The following CEP126 variants were observed in gnomAD, a reference collection of about 807,000 sequenced individuals.
CEP126 encodes the protein centrosomal protein 126.
Under a neutral mutation model 107.8 loss-of-function variants are expected in CEP126, and 74 were observed. That is an observed-to-expected ratio of 0.69 (90% CI 0.57 to 0.83). The LOEUF (loss-of-function observed/expected upper bound fraction) is 0.83. Ranked by LOEUF, CEP126 falls within the 40% of genes least tolerant of loss-of-function variation. The pLI is 0.00. For synonymous variants in CEP126, 449 were observed against 446.0 expected, an observed-to-expected ratio of 1.01 and a Z score of -0.08; for missense variants, 1,237 against 1,281.9, an observed-to-expected ratio of 0.96 and a Z score of 0.53.
chr11:101,922,879 G>C, intron 2 of CEP126, 119 bp downstream of exon 2: 1 of 774,850 alleles, frequency 1.3e-6, no homozygotes, highest in Non-Finnish European at 2.0e-6. Flanking sequence ...GTGAAACATT[G>C]ATCAAGATTT....
chr11:101,922,558 G>T, intron 1 of CEP126, 83 bp from the exon 2 acceptor site: 1 of 1,017,752 alleles, frequency 9.8e-7, no homozygotes, highest in Non-Finnish European at 1.5e-6. Flanking sequence ...TTTGCATGAG[G>T]CTGTAGTTAT....
At chr11:101,988,582 T>C (rs1941339837) in intron 9 of CEP126, among the ~76,000 whole-genome samples, 1 of 152,014 alleles carries the variant, frequency 6.6e-6, no homozygotes, top group Non-Finnish European at 1.5e-5. Context: ...ACAATGAATG[T>C]TAATCAGCAA....
chr11:101,981,913 A>G lies in CEP126; in HGVS notation c.2983A>G (p.Ser995Gly). The G allele has an allele frequency of 6.3e-7, 1 of 1,590,218 alleles. No homozygotes were observed. The part of the protein sequence containing the change: ...INNFGQSVLL[S>G]SSEPKQTTRG... The stretch of plus-strand genomic sequence containing the variant: ...GAATTTTGGACAAAGTGTCCTGCTA[A>G]GTTCAAGTGAGCCAAAACAAACTAC... Residue 995 changes from serine (S) to glycine (G), a missense_variant, in exon 8 of 11, where the codon AGT becomes GGT. Coordinates refer to ENST00000263468, the MANE Select transcript of CEP126 (RefSeq NM_020802.4).
chr11:101,993,482 C>G (rs1442874177), intron 10 of CEP126, among the ~76,000 whole-genome samples: 3 of 152,140 alleles, frequency 2.0e-5, no homozygotes, highest in African/African-American at 7.2e-5. Flanking sequence ...TAGGTTGATT[C>G]CGTGTCTTTG....
chr11:101,926,445 GAAAT>G (rs1432346505), intron 2 of CEP126, among the ~76,000 whole-genome samples: 1 of 152,224 alleles, frequency 6.6e-6, no homozygotes, highest in Non-Finnish European at 1.5e-5. Flanking sequence ...TACACGTTAT[GAAAT>G]AACTTTTATG....
At chr11:101,936,815 CA>C (rs1310763367) in intron 2 of CEP126, among the ~76,000 whole-genome samples, 1 of 152,156 alleles carries the variant, frequency 6.6e-6, no homozygotes, top group African/African-American at 2.4e-5. Context: ...TTTTGATGAT[CA>C]TATCACTTCC....
chr11:101,960,246 A>G (rs927588964), intron 5 of CEP126, among the ~76,000 whole-genome samples: 1 of 151,694 alleles, frequency 6.6e-6, no homozygotes, highest in Non-Finnish European at 1.5e-5. Flanking sequence ...AAATCTGAAG[A>G]AAAAAAAAGT....
intron 2 of CEP126, among the ~76,000 whole-genome samples, chr11:101,932,593 C>A (rs544079334): frequency 6.6e-6 from 1 of 152,244 alleles, no homozygotes; most frequent in South Asian, 2.1e-4. Context: ...CTCAAACTTG[C>A]TAAGTTTTTT....
At chr11:101,971,868 G>C (rs1271350425) in intron 6 of CEP126, among the ~76,000 whole-genome samples, 1 of 151,576 alleles carries the variant, frequency 6.6e-6, no homozygotes, top group East Asian at 1.9e-4. Flanking sequence ...CAGCACTTTG[G>C]GATGCCAAAG....
At chr11:101,952,622 G>A (rs972250789) in intron 4 of CEP126, among the ~76,000 whole-genome samples, 1 of 152,078 alleles carries the variant, frequency 6.6e-6, no homozygotes, top group Non-Finnish European at 1.5e-5. Flanking sequence ...CTCATGTTAA[G>A]TGTTCTTACC....
In CEP126 at chr11:101,962,334, A is replaced by G; in HGVS notation, c.1299A>G (p.Thr433=). 1 of 1,613,540 alleles carries G rather than the reference A, an allele frequency of 6.2e-7. No homozygotes were observed. The highest frequency in any genetic ancestry group is 8.5e-7 in the Non-Finnish European group (1 of 1,179,780). ...TSDSLTQEVA[T]FPDQEKYSEL... ...ATTCTCTAACCCAGGAAGTGGCTAC[A>G]TTTCCAGACCAAGAGAAATATTCTG... Residue 433 remains threonine (T), a synonymous_variant, in exon 6 of 11, where the codon ACA becomes ACG. Coordinates refer to ENST00000263468, the MANE Select transcript of CEP126 (RefSeq NM_020802.4).
intron 1 of CEP126, 61 bp downstream of exon 1, chr11:101,915,473 C>A: frequency 6.4e-7 from 1 of 1,559,580 alleles, no homozygotes; most frequent in East Asian, 2.3e-5. Flanking sequence ...CCATCTTTTT[C>A]CAATTAGATT....
chr11:101,963,340 T>A lies in CEP126; in HGVS notation c.2305T>A (p.Phe769Ile), dbSNP rs1941008934. 6.2e-7 allele frequency: 1 copy of A among 1,613,950 alleles called. No individual in the cohort carries two copies. Among genetic ancestry groups the A allele is most frequent in the Non-Finnish European group, 8.5e-7 (1 of 1,180,006 alleles). ...KPGSAKVQSG[F>I]ICTNRKGAVI... is the part of the protein sequence containing the mutation. Reference sequence around the variant, plus strand: ...AGGATCTGCAAAAGTCCAATCAGGCTTTATATGTACAAACAGAAAAGGCGC... The same window carrying A: ...AGGATCTGCAAAAGTCCAATCAGGCATTATATGTACAAACAGAAAAGGCGC... Residue 769 changes from phenylalanine (F) to isoleucine (I), a missense_variant, in exon 6 of 11, where the codon TTT becomes ATT. Physicochemically the swap from Phe to Ile is conservative, Grantham distance 21 (BLOSUM62 0). Around this residue, in one of 3 missense-constraint regions of CEP126, gnomAD observed 1,134 missense variants for 1,150.5 expected, o/e 0.99. Transcript: ENST00000263468.
chr11:101,988,709 A>AG (rs201355796), intron 9 of CEP126, among the ~76,000 whole-genome samples: 172 of 152,156 alleles, frequency 1.1e-3, no homozygotes, highest in East Asian at 8.3e-3. Flanking sequence ...TCTCTCAAGA[A>AG]GGGGGGTGAA....
At chr11:101,981,162 C>T (rs1354666133) in intron 7 of CEP126, among the ~76,000 whole-genome samples, 2 of 150,446 alleles carry the variant, frequency 1.3e-5, no homozygotes, top group East Asian at 2.1e-4. Context: ...AGTTTTGTCA[C>T]GTAAGATAAT....
chr11:101,960,998 T>C (rs1229462915), intron 5 of CEP126, among the ~76,000 whole-genome samples: 2 of 152,106 alleles, frequency 1.3e-5, no homozygotes, highest in Admixed American at 1.3e-4. Flanking sequence ...CTGACAAATT[T>C]CATGTAAATT....
chr11:101,943,375 G>A (rs757560874), intron 2 of CEP126, among the ~76,000 whole-genome samples: 8 of 151,974 alleles, frequency 5.3e-5, no homozygotes, highest in Non-Finnish European at 1.0e-4. Context: ...TCTTTAGAAA[G>A]ATGCTTAATA....
chr11:101,944,191 T>A (rs1322753885), intron 2 of CEP126, 74 bp from the exon 3 acceptor site: 3 of 1,324,526 alleles, frequency 2.3e-6, no homozygotes, highest in East Asian at 2.6e-5. Flanking sequence ...TGTTATATAA[T>A]AAATGCGTCA....
intron 10 of CEP126, among the ~76,000 whole-genome samples, chr11:101,996,822 G>C (rs184972583): frequency 6.6e-6 from 1 of 152,078 alleles, no homozygotes; most frequent in East Asian, 1.9e-4. Context: ...TCCTTCTGGC[G>C]TGCCTAACTA....
Sources: allele counts gnomAD v4.1 joint callset (sites outside exome capture counted in the v4.1 genomes callset), GRCh38; gene constraint gnomAD v4.1.1; regional missense constraint gnomAD v4.1.1; transcripts MANE v1.5; gene names NCBI Gene and HGNC (gene_info 2026-07-23, HGNC 2026-07-21).